Variants in KIAA1217 observed in about 807,000 individuals in gnomAD.
KIAA1217 encodes sickle tail protein homolog.
KIAA1217 carries 88 observed loss-of-function variants against 163.9 expected under a neutral mutation model. The observed-to-expected ratio is 0.54, with a 90% CI of 0.45 to 0.64. KIAA1217 has a LOEUF of 0.64. Ranked by LOEUF, KIAA1217 falls within the 30% of genes least tolerant of loss-of-function variation. The probability of loss-of-function intolerance (pLI) is 0.00; values close to 1 mark genes in which losing one functional copy is unlikely to be tolerated. For missense variants in KIAA1217, 2,372 were observed against 2,475.0 expected (o/e 0.96, Z 0.88); for synonymous variants, 903 against 923.1 (o/e 0.98, Z 0.39).
rs149911875 is a variant in KIAA1217 at position 24,449,654 on chromosome 10, G to A, written c.846+11175G>A. 2.9e-4 allele frequency: 287 copies of A among 985,388 alleles called. No homozygotes were observed. The African/African-American group carries it at 3.7e-3, about 13-fold the overall frequency. 61.0% of individuals were successfully genotyped at this position (985,388 alleles called of 1,614,324 possible). ...GTAAAAAACCCAAGGCTTGCATTTA[G>A]TCACCATGAAGACAGGCAAAGCTGA... On this transcript the variant is annotated intron_variant, in intron 5 of 20. Coordinates refer to ENST00000376454, the MANE Select transcript of KIAA1217 (RefSeq NM_019590.5).
At chr10:24,461,869 C>T (rs1454734460) in intron 5 of KIAA1217, among the ~76,000 whole-genome samples, 1 of 152,068 alleles carries the variant, frequency 6.6e-6, no homozygotes, top group Non-Finnish European at 1.5e-5. Flanking sequence ...TAGAGTGCAG[C>T]GATGGAGACC....
chr10:24,506,261 A>G (rs992376373), intron 9 of KIAA1217, among the ~76,000 whole-genome samples: 1 of 152,210 alleles, frequency 6.6e-6, no homozygotes, highest in Non-Finnish European at 1.5e-5. Context: ...GATTTGTGGT[A>G]TAACCACTGT....
chr10:24,293,629 C>G (rs1471033340), intron 2 of KIAA1217, among the ~76,000 whole-genome samples: 1 of 152,214 alleles, frequency 6.6e-6, no homozygotes, highest in Non-Finnish European at 1.5e-5. Flanking sequence ...TGAGCATTCC[C>G]CTTTGGACTT....
chr10:23,790,523 A>G (rs189089433), intron 1 of KIAA1217, among the ~76,000 whole-genome samples: 1,257 of 97,404 alleles, frequency 0.013, 242 homozygotes, highest in African/African-American at 0.043. Flanking sequence ...ATGTATATAT[A>G]CATATATACA....
chr10:23,857,450 A>G (rs1177982300), intron 1 of KIAA1217, among the ~76,000 whole-genome samples: 2 of 152,232 alleles, frequency 1.3e-5, no homozygotes, highest in South Asian at 4.1e-4. Flanking sequence ...AGGCCCTGTC[A>G]TTAATAATGA....
chr10:24,497,724 A>C (rs2066983673), intron 8 of KIAA1217, among the ~76,000 whole-genome samples: 1 of 151,924 alleles, frequency 6.6e-6, no homozygotes, highest in Non-Finnish European at 1.5e-5. Flanking sequence ...TGTCTCAAAA[A>C]AAAAAAAAAA....
intron 1 of KIAA1217, among the ~76,000 whole-genome samples, chr10:23,858,554 T>G (rs1839810980): frequency 6.6e-6 from 1 of 152,078 alleles, no homozygotes; most frequent in Non-Finnish European, 1.5e-5. Flanking sequence ...TATCATTGCT[T>G]GAATTCTTGC....
intron 2 of KIAA1217, among the ~76,000 whole-genome samples, chr10:24,036,775 G>T (rs890936693): frequency 1.3e-5 from 2 of 152,094 alleles, no homozygotes; most frequent in Admixed American, 6.6e-5. Context: ...CACGAGGACC[G>T]CAACAAGCCA....
At chr10:24,367,678 A>G (rs931880793) in intron 2 of KIAA1217, among the ~76,000 whole-genome samples, 10 of 152,330 alleles carry the variant, frequency 6.6e-5, no homozygotes, top group Middle Eastern at 6.8e-3. Flanking sequence ...TTGGGTCCAG[A>G]TCATTTTACT....
At chr10:24,127,175 G>C (rs1212313443) in intron 2 of KIAA1217, among the ~76,000 whole-genome samples, 1 of 152,078 alleles carries the variant, frequency 6.6e-6, no homozygotes, top group Non-Finnish European at 1.5e-5. Flanking sequence ...TCCAAATGTA[G>C]ACTGTCCAAA....
chr10:24,245,172 A>C (rs962826810), intron 2 of KIAA1217, among the ~76,000 whole-genome samples: 1 of 152,238 alleles, frequency 6.6e-6, no homozygotes, highest in South Asian at 2.1e-4. Flanking sequence ...AGCACTCTTC[A>C]CTTTCACTCC....
At chr10:24,192,023 C>T (rs372156873) in intron 2 of KIAA1217, among the ~76,000 whole-genome samples, 12 of 152,290 alleles carry the variant, frequency 7.9e-5, no homozygotes, top group Admixed American at 6.5e-4. Context: ...GGATTACAGG[C>T]GTGAGCTACT....
At chr10:24,177,611 TCTA>T (rs1230899789) in intron 2 of KIAA1217, among the ~76,000 whole-genome samples, 1 of 151,956 alleles carries the variant, frequency 6.6e-6, no homozygotes, top group Non-Finnish European at 1.5e-5. Context: ...ATAAAGATAT[TCTA>T]CTACTTTTAC....
chr10:24,372,016 A>AGC (rs2051718924), intron 2 of KIAA1217, among the ~76,000 whole-genome samples: 2 of 152,208 alleles, frequency 1.3e-5, no homozygotes, highest in Non-Finnish European at 1.5e-5. Context: ...ACACATGGGT[A>AGC]TAAAGATGGC....
chr10:24,282,971 T>A (rs1047397370), intron 2 of KIAA1217, among the ~76,000 whole-genome samples: 1 of 151,738 alleles, frequency 6.6e-6, no homozygotes, highest in Non-Finnish European at 1.5e-5. Context: ...GTAACTGGGA[T>A]TACAGACGTG....
chr10:23,786,502 C>G (rs1835499605), intron 1 of KIAA1217, among the ~76,000 whole-genome samples: 1 of 150,924 alleles, frequency 6.6e-6, no homozygotes, highest in Admixed American at 6.6e-5. Flanking sequence ...ACCATTTCTA[C>G]CTCTCCCAAA....
intron 3 of KIAA1217, among the ~76,000 whole-genome samples, chr10:24,398,082 C>T (rs1429377247): frequency 1.3e-5 from 2 of 152,214 alleles, no homozygotes; most frequent in Non-Finnish European, 2.9e-5. Context: ...TAGCTTTTGA[C>T]TCCCCCAAAA....
At chr10:23,893,670 G>C (rs1393748021) in intron 1 of KIAA1217, among the ~76,000 whole-genome samples, 2 of 151,900 alleles carry the variant, frequency 1.3e-5, no homozygotes, top group Non-Finnish European at 2.9e-5. Context: ...TGAAAAGACA[G>C]GCAGAGACGC....
At chr10:23,810,592 T>C (rs1836965670) in intron 1 of KIAA1217, among the ~76,000 whole-genome samples, 1 of 124,220 alleles carries the variant, frequency 8.1e-6, no homozygotes. Flanking sequence ...ATATATATAG[T>C]GTGTATATAT....
Sources: allele counts gnomAD v4.1 joint callset (sites outside exome capture counted in the v4.1 genomes callset), GRCh38; gene constraint gnomAD v4.1.1; transcripts MANE v1.5; gene names NCBI Gene and HGNC (gene_info 2026-07-23, HGNC 2026-07-21).